The following CAMK1D variants were observed in gnomAD, a reference collection of about 807,000 sequenced individuals.
The protein encoded by CAMK1D is calcium/calmodulin-dependent protein kinase type 1D.
CAMK1D carries 9 observed loss-of-function variants against 47.7 expected under a neutral mutation model. The ratio of observed to expected loss-of-function variants is 0.19; its 90% CI spans 0.11 to 0.33. CAMK1D has a LOEUF of 0.33. Among genes scored for constraint, CAMK1D ranks in the 10% least tolerant of loss-of-function variants. The pLI, the probability that CAMK1D is intolerant of heterozygous loss-of-function variation, is 1.00. For missense variants in CAMK1D, 291 were observed against 488.7 expected (o/e 0.60, Z 3.81); for synonymous variants, 184 against 184.9 (o/e 0.99, Z 0.04).
At chr10:12,820,656 T>C (rs549110072) in intron 8 of CAMK1D, among the ~76,000 whole-genome samples, 4 of 152,110 alleles carry the variant, frequency 2.6e-5, no homozygotes, top group Non-Finnish European at 5.9e-5. Flanking sequence ...GCCTTGGCAA[T>C]CATGGACACC....
At chr10:12,668,842 A>G (rs796435592) in intron 3 of CAMK1D, among the ~76,000 whole-genome samples, 1 of 152,282 alleles carries the variant, frequency 6.6e-6, no homozygotes, top group African/African-American at 2.4e-5. Context: ...TGGAAGTCAT[A>G]TGAGGACACT....
chr10:12,650,086 CT>C, intron 2 of CAMK1D, among the ~76,000 whole-genome samples: 1 of 152,334 alleles, frequency 6.6e-6, no homozygotes, highest in South Asian at 2.1e-4. Context: ...CACAGGTGAC[CT>C]TGGTGACAAA....
intron 1 of CAMK1D, among the ~76,000 whole-genome samples, chr10:12,508,171 G>A (rs1032790760): frequency 6.6e-6 from 1 of 152,220 alleles, no homozygotes; most frequent in Non-Finnish European, 1.5e-5. Flanking sequence ...TCTGTGCTAT[G>A]TATGTCCTTG....
chr10:12,368,755 AAAAG>A (rs1194847004), intron 1 of CAMK1D, among the ~76,000 whole-genome samples: 1 of 151,880 alleles, frequency 6.6e-6, no homozygotes, highest in African/African-American at 2.4e-5. Flanking sequence ...AAAAAAAAAA[AAAAG>A]AAAGAGTATA....
chr10:12,500,300 C>CA (rs1047798497), intron 1 of CAMK1D, among the ~76,000 whole-genome samples: 4 of 152,070 alleles, frequency 2.6e-5, no homozygotes, highest in African/African-American at 7.2e-5. Flanking sequence ...ACAAAACCCA[C>CA]AAAAAACGCT....
At chr10:12,763,827 A>G (rs1383338696) in intron 4 of CAMK1D, among the ~76,000 whole-genome samples, 2 of 151,092 alleles carry the variant, frequency 1.3e-5, no homozygotes. Context: ...GGTATTGGCC[A>G]CCAGTTGTCT....
chr10:12,767,316 T>C (rs1447611746), intron 4 of CAMK1D, among the ~76,000 whole-genome samples: 1 of 152,172 alleles, frequency 6.6e-6, no homozygotes, highest in African/African-American at 2.4e-5. Context: ...TAGCTGGGAT[T>C]ACAGGCGCCC....
chr10:12,828,356 G>C (rs760568612), intron 10 of CAMK1D, among the ~76,000 whole-genome samples: 1 of 134,734 alleles, frequency 7.4e-6, no homozygotes, highest in East Asian at 2.1e-4. Flanking sequence ...TTGGGTCCCC[G>C]CAAGTTGGGC....
At chr10:12,474,493 C>T (rs117908214) in intron 1 of CAMK1D, among the ~76,000 whole-genome samples, 2,812 of 151,978 alleles carry the variant, frequency 0.019, 25 homozygotes, top group Non-Finnish European at 0.027. Flanking sequence ...GCACCTGGCC[C>T]GAGGATGGTT....
rs191436564 is a variant in CAMK1D at position 12,648,047 on chromosome 10, C to T, written c.225-18689C>T. Among the ~76,000 whole-genome samples, 306 of 152,254 alleles carry T rather than the reference C, an allele frequency of 2.0e-3. 1 individual carries two copies. The highest frequency in any genetic ancestry group is 7.2e-3 in the African/African-American group (301 of 41,538). ...GCCATGATGCCATCTTGCGAAGAGTCCAAGAATTCAAAATTCAAACCTGGT... is the reference window on the plus strand; with the variant it reads ...GCCATGATGCCATCTTGCGAAGAGTTCAAGAATTCAAAATTCAAACCTGGT... On this transcript the variant is annotated intron_variant, in intron 2 of 10. Transcript: ENST00000619168.
At chr10:12,434,218 T>C (rs752018545) in intron 1 of CAMK1D, among the ~76,000 whole-genome samples, 5 of 152,156 alleles carry the variant, frequency 3.3e-5, no homozygotes, top group Non-Finnish European at 7.3e-5. Context: ...AAAAAATAAG[T>C]CTGTTGTTAT....
chr10:12,814,154 T>G (rs1335574001), intron 6 of CAMK1D, 41 bp from the exon 7 acceptor site: 1 of 1,275,380 alleles, frequency 7.8e-7, no homozygotes, highest in Non-Finnish European at 1.1e-6. Flanking sequence ...ACCACACTGG[T>G]TATGCAGATG....
chr10:12,656,295 A>C (rs2132524233), intron 2 of CAMK1D, among the ~76,000 whole-genome samples: 1 of 152,332 alleles, frequency 6.6e-6, no homozygotes, highest in Middle Eastern at 3.4e-3. Context: ...CTTCAGGACC[A>C]GCCTGGGTAA....
chr10:12,723,266 A>T (rs1834475743), intron 3 of CAMK1D, among the ~76,000 whole-genome samples: 1 of 152,124 alleles, frequency 6.6e-6, no homozygotes, highest in Non-Finnish European at 1.5e-5. Flanking sequence ...TGAACGGGAG[A>T]ATTGTAGAAT....
At chr10:12,558,451 G>A (rs1836833881) in intron 2 of CAMK1D, among the ~76,000 whole-genome samples, 1 of 152,122 alleles carries the variant, frequency 6.6e-6, no homozygotes, top group Admixed American at 6.6e-5. Context: ...CTACTTGGGA[G>A]GCTGAGGCAG....
chr10:12,469,843 A>G (rs1040024171), intron 1 of CAMK1D, among the ~76,000 whole-genome samples: 2 of 152,202 alleles, frequency 1.3e-5, no homozygotes, highest in Admixed American at 1.3e-4. Context: ...GTTCTTTCAG[A>G]ACCTTTTTTC....
At chr10:12,759,434 C>A (rs1249459890) in intron 3 of CAMK1D, among the ~76,000 whole-genome samples, 1 of 152,190 alleles carries the variant, frequency 6.6e-6, no homozygotes, top group East Asian at 1.9e-4. Flanking sequence ...CTGGTACATT[C>A]TCGAGCTCTG....
chr10:12,533,679 A>G (rs1490323532), intron 1 of CAMK1D, among the ~76,000 whole-genome samples: 1 of 152,136 alleles, frequency 6.6e-6, no homozygotes, highest in Non-Finnish European at 1.5e-5. Flanking sequence ...CTTTATTACT[A>G]AAGAGGGAAA....
intron 1 of CAMK1D, among the ~76,000 whole-genome samples, chr10:12,361,624 C>G (rs1837667778): frequency 7.1e-6 from 1 of 139,962 alleles, no homozygotes; most frequent in Non-Finnish European, 1.5e-5. Flanking sequence ...GGCGTAATCT[C>G]TGCTCACGGA....
Sources: allele counts gnomAD v4.1 joint callset (sites outside exome capture counted in the v4.1 genomes callset), GRCh38; gene constraint gnomAD v4.1.1; transcripts MANE v1.5; gene names NCBI Gene and HGNC (gene_info 2026-07-23, HGNC 2026-07-21).